The following GLS variants were observed in gnomAD, a reference collection of about 807,000 sequenced individuals.
GLS encodes glutaminase kidney isoform, mitochondrial.
In GLS, 36 loss-of-function variants were observed where a neutral mutation model predicts 86.7. The observed-to-expected ratio is 0.42, with a 90% CI of 0.32 to 0.55. The LOEUF (loss-of-function observed/expected upper bound fraction) is 0.55, where lower values mean the gene tolerates loss of function less well. GLS is among the 20% of genes least tolerant of loss of function. The pLI is 0.17. For missense variants in GLS, 528 were observed against 833.4 expected, an observed-to-expected ratio of 0.63 and a Z score of 4.51; for synonymous variants, 317 against 305.9, an observed-to-expected ratio of 1.04 and a Z score of -0.38.
chr2:190,931,116 A>T (rs1690094165), intron 13 of GLS, among the ~76,000 whole-genome samples: 2 of 152,184 alleles, frequency 1.3e-5, no homozygotes, highest in African/African-American at 4.8e-5. Flanking sequence ...GTTCATATTA[A>T]GTACCATACT....
rs887366669 is a variant in GLS, at chr2:190,954,914, C to T, written c.1853+96C>T. The T allele has an allele frequency of 2.3e-5, 18 of 795,240 alleles. No homozygotes were observed. The highest frequency in any genetic ancestry group is 3.5e-5 in the Non-Finnish European group (17 of 491,084). 49.3% of individuals were successfully genotyped at this position (795,240 alleles called of 1,614,324 possible). On this transcript the variant is annotated intron_variant, in intron 17 of 17. Transcript: ENST00000320717. This position sits in a 1 kb window ranked among gnomAD's most constrained non-coding sequence, Gnocchi z 4.0. ...TAATATTTCAACCTACTAAGACATTCTTGAACCTGCTATGATATCTTATAA... is the reference window on the plus strand; with the variant it reads ...TAATATTTCAACCTACTAAGACATTTTTGAACCTGCTATGATATCTTATAA...
Position 190,951,890 on chromosome 2 carries a change from C to CACTTTTTTGTTT in GLS, c.1651-1674_1651-1673insCTTTTTTGTTTA, listed in dbSNP as rs1690728700. ...GTTTATAACCCAGAAAAGTGCATAT[C>CACTTTTTTGTTT]AAAGTCACCTGGAGACTTTAAACAA... On this transcript the variant is annotated intron_variant, in intron 14 of 17. Transcript: ENST00000320717. This position sits in a 1 kb window ranked among gnomAD's most constrained non-coding sequence, Gnocchi z 4.2. Among the ~76,000 whole-genome samples, 1 of 152,160 alleles carries CACTTTTTTGTTT rather than the reference C, an allele frequency of 6.6e-6. No homozygotes were observed. Among genetic ancestry groups the CACTTTTTTGTTT allele is most frequent in the South Asian group, 2.1e-4 (1 of 4,828 alleles).
chr2:190,951,724 G>T lies in GLS; in HGVS notation c.1651-1841G>T, dbSNP rs554904555. 6.6e-6 allele frequency among the ~76,000 whole-genome samples: 1 copy of T among 152,254 alleles called. No homozygotes were observed. Among genetic ancestry groups the T allele is most frequent in the South Asian group, 2.1e-4 (1 of 4,830 alleles). ...AACAAGAAAAAAAAATTGTCAAGCA[G>T]TAATGAGAGACCAGGTGGAAATATG... On this transcript the variant is annotated intron_variant, in intron 14 of 17. Transcript: ENST00000320717. This position sits in a 1 kb window ranked among gnomAD's most constrained non-coding sequence, Gnocchi z 4.2.
chr2:190,910,177 G>A, intron 6 of GLS, 86 bp from the exon 7 acceptor site: 2 of 802,266 alleles, frequency 2.5e-6, no homozygotes, highest in Non-Finnish European at 2.0e-6. Context: ...CGTTAGCTGT[G>A]CTTTTTCCAA....
chr2:190,924,482 T>A lies in GLS; in HGVS notation c.1198-61T>A. ...TGTACATTTGAAATTTTTCATATAT[T>A]TCTCTACTTATGTGCATTCCTGTGT... On this transcript the variant is annotated intron_variant, in intron 10 of 17. Coordinates refer to ENST00000320717, the MANE Select transcript of GLS (RefSeq NM_014905.5). This position sits in a 1 kb window ranked among gnomAD's most constrained non-coding sequence, Gnocchi z 5.2. 1.2e-6 allele frequency: 1 copy of A among 844,386 alleles called. No individual in the cohort carries two copies. Among genetic ancestry groups the A allele is most frequent in the Non-Finnish European group, 2.1e-6 (1 of 482,468 alleles). 52.3% of individuals were successfully genotyped at this position (844,386 alleles called of 1,614,324 possible).
At position 190,964,237 on chromosome 2, in the gene GLS, A is replaced by C. The variant is rs1419758919; in HGVS notation, c.*1251A>C. The C allele has an allele frequency of 6.6e-6, 1 of 152,068 alleles. No homozygotes were observed. Among genetic ancestry groups the C allele is most frequent in the African/African-American group, 2.4e-5 (1 of 41,398 alleles). The allele number at this position is 152,068 out of a possible 1,614,324, so 9.4% of individuals were successfully genotyped here. ...GGGTAAAAGGGGCTTCAAAAAACGGATAGAACAGGATTTTCTAGGAGTTAC... is the reference window on the plus strand; with the variant it reads ...GGGTAAAAGGGGCTTCAAAAAACGGCTAGAACAGGATTTTCTAGGAGTTAC... On this transcript the variant is annotated 3_prime_UTR_variant, in exon 18 of 18. Coordinates refer to ENST00000320717, the MANE Select transcript of GLS (RefSeq NM_014905.5). The surrounding 1 kb of genome is among the most constrained non-coding windows in gnomAD (Gnocchi z 5.2).
Position 190,930,442 on chromosome 2 carries a change from T to A in GLS, c.1431T>A (p.Gly477=), listed in dbSNP as rs1257808964. ...TTTTACTGAATTATTTTTAGGTTGGTCTTCCTGCAAAATCTGGAGTTGCTG... is the reference window on the plus strand; with the variant it reads ...TTTTACTGAATTATTTTTAGGTTGGACTTCCTGCAAAATCTGGAGTTGCTG... ...DFSGQFAFHV[G]LPAKSGVAGG... is the part of the protein sequence containing the mutation. The change falls in exon 13 of 18, where the codon GGT becomes GGA. Residue 477 remains glycine (G), a synonymous_variant. Coordinates refer to ENST00000320717, the MANE Select transcript of GLS (RefSeq NM_014905.5). This position sits in a 1 kb window ranked among gnomAD's most constrained non-coding sequence, Gnocchi z 5.0. 1 of 1,606,606 alleles carries A rather than the reference T, an allele frequency of 6.2e-7. No homozygotes were observed. The highest frequency in any genetic ancestry group is 1.7e-5 in the Admixed American group (1 of 59,928).
intron 5 of GLS, among the ~76,000 whole-genome samples, chr2:190,902,876 A>G (rs1036323988): frequency 1.3e-5 from 2 of 152,110 alleles, no homozygotes; most frequent in African/African-American, 2.4e-5. Flanking sequence ...CTGTTTTATC[A>G]AAATAGAACT....
Position 190,956,249 on chromosome 2 carries a change from T to C in GLS, c.1853+1431T>C, listed in dbSNP as rs921407888. On this transcript the variant is annotated intron_variant, in intron 17 of 17. Coordinates refer to ENST00000320717, the MANE Select transcript of GLS (RefSeq NM_014905.5). The surrounding 1 kb of genome is among the most constrained non-coding windows in gnomAD (Gnocchi z 4.2). ...AGGTTTTCTTCTAGGGTTTTTATGG[T>C]TTTAGGTCTTATGTTTAAGTCTTTA... Among the ~76,000 whole-genome samples, 1 of 152,164 alleles carries C rather than the reference T, an allele frequency of 6.6e-6. No homozygotes were observed. The highest frequency in any genetic ancestry group is 1.5e-5 in the Non-Finnish European group (1 of 68,032).
intron 14 of GLS, among the ~76,000 whole-genome samples, chr2:190,940,037 A>G (rs1330529424): frequency 6.6e-6 from 1 of 151,840 alleles, no homozygotes; most frequent in Non-Finnish European, 1.5e-5. Flanking sequence ...TTCACTTCCA[A>G]ATCTTTTGAT....
At chr2:190,887,522 CTATT>C (rs1389882495) in intron 1 of GLS, among the ~76,000 whole-genome samples, 1 of 151,970 alleles carries the variant, frequency 6.6e-6, no homozygotes, top group African/African-American at 2.4e-5. Context: ...ATATTTTTGC[CTATT>C]TATTTCTGGT....
Position 190,881,002 on chromosome 2 carries a change from A to G in GLS, c.-83A>G. On this transcript the variant is annotated 5_prime_UTR_variant, in exon 1 of 18. Coordinates refer to ENST00000320717, the MANE Select transcript of GLS (RefSeq NM_014905.5). ...TCTTCTGTCATCTCACCGCCCCACC[A>G]CAGACCGCGTTCCCCGAGGAAACCG... 6.9e-7 allele frequency: 1 copy of G among 1,446,500 alleles called. No homozygotes were observed. Among genetic ancestry groups the G allele is most frequent in the Non-Finnish European group, 9.3e-7 (1 of 1,075,186 alleles). The allele number at this position is 1,446,500 out of a possible 1,614,324, so 89.6% of individuals were successfully genotyped here. A position where few individuals can be genotyped will look rare whatever the true frequency, so the allele number is the denominator to read the frequency against.
intron 9 of GLS, among the ~76,000 whole-genome samples, chr2:190,922,729 A>G (rs766089010): frequency 6.6e-6 from 1 of 152,156 alleles, no homozygotes; most frequent in African/African-American, 2.4e-5. Flanking sequence ...GCAAATTGAT[A>G]AGAATTTGAA....
At chr2:190,928,892 G>GTTTTTTTTTTTTTTTTTTT (rs367999647) in intron 12 of GLS, among the ~76,000 whole-genome samples, 2 of 12,822 alleles carry the variant, frequency 1.6e-4, no homozygotes, top group African/African-American at 3.1e-4. Context: ...ATTCAGGTGT[G>GTTTTTTTTTTTTTTTTTTT]TTTTTTTTTT....
chr2:190,932,869 G>A, intron 14 of GLS: 2 of 1,488,884 alleles, frequency 1.3e-6, no homozygotes, highest in Non-Finnish European at 1.8e-6. Context: ...CTAAAGAAAT[G>A]GGTTCTAGTT....
At chr2:190,901,523 A>G (rs1157013437) in intron 4 of GLS, among the ~76,000 whole-genome samples, 1 of 152,064 alleles carries the variant, frequency 6.6e-6, no homozygotes, top group African/African-American at 2.4e-5. Context: ...ATTCAAGTGT[A>G]TAACAACTTC....
intron 14 of GLS, chr2:190,934,987 A>G: frequency 2.1e-6 from 2 of 955,218 alleles, no homozygotes; most frequent in South Asian, 9.7e-5. Flanking sequence ...AGTTCTTGAT[A>G]GTACCCACTA....
At chr2:190,957,630 T>C (rs1183291233) in intron 17 of GLS, among the ~76,000 whole-genome samples, 1 of 152,234 alleles carries the variant, frequency 6.6e-6, no homozygotes, top group African/African-American at 2.4e-5. Context: ...GTGTGTTGGA[T>C]TTTGTCAAAG....
At chr2:190,916,795 A>G (rs1036421139) in intron 7 of GLS, among the ~76,000 whole-genome samples, 1 of 152,194 alleles carries the variant, frequency 6.6e-6, no homozygotes, top group African/African-American at 2.4e-5. Flanking sequence ...TCGTTAACCA[A>G]TGCATACGGA....
Sources: allele counts gnomAD v4.1 joint callset (sites outside exome capture counted in the v4.1 genomes callset), GRCh38; gene constraint gnomAD v4.1.1; non-coding constraint Gnocchi (gnomAD v3.1); transcripts MANE v1.5; gene names NCBI Gene and HGNC (gene_info 2026-07-23, HGNC 2026-07-21).